The following CDH11 variants were observed in gnomAD, a reference collection of about 807,000 sequenced individuals.
The protein encoded by CDH11 is cadherin-11.
In CDH11, 11 loss-of-function variants were observed where a neutral mutation model predicts 67.8. The observed-to-expected ratio is 0.16, with a 90% confidence interval of 0.10 to 0.27. CDH11 has a LOEUF of 0.27. CDH11 is among the 10% of genes least tolerant of loss of function. The pLI, the probability that CDH11 is intolerant of heterozygous loss-of-function variation, is 1.00. For missense variants in CDH11, 847 were observed against 1,031.2 expected, an observed-to-expected ratio of 0.82 and a Z score of 2.45; for synonymous variants, 419 against 400.0, an observed-to-expected ratio of 1.05 and a Z score of -0.57.
At chr16:65,057,391 A>G (rs2074161424) in intron 1 of CDH11, among the ~76,000 whole-genome samples, 1 of 152,108 alleles carries the variant, frequency 6.6e-6, no homozygotes, top group Non-Finnish European at 1.5e-5. Flanking sequence ...CCCTTCCATC[A>G]TTGTGCTTGG....
chr16:65,058,927 G>A (rs769968122), intron 1 of CDH11, among the ~76,000 whole-genome samples: 42 of 152,164 alleles, frequency 2.8e-4, no homozygotes, highest in Non-Finnish European at 5.9e-4. Flanking sequence ...GATATATTGT[G>A]CTTCTATGAT....
chr16:65,015,015 T>TTTATTATTATTATTA lies in CDH11; in HGVS notation c.-172-9989_-172-9975dup, dbSNP rs71143548. Among the ~76,000 whole-genome samples, 1,263 of 135,848 alleles carry TTTATTATTATTATTA rather than the reference T, an allele frequency of 9.3e-3. 19 individuals are homozygous for TTTATTATTATTATTA. Among genetic ancestry groups the TTTATTATTATTATTA allele is most frequent in the African/African-American group, 0.031 (1,122 of 35,692 alleles). The allele number at this position is 135,848 out of a possible 152,430, so 89.1% of individuals were successfully genotyped here. On this transcript the variant is annotated intron_variant, in intron 2 of 12. Coordinates refer to ENST00000268603, the MANE Select transcript of CDH11 (RefSeq NM_001797.4). Reference sequence around the variant, plus strand: ...GGCATAGGCCACCATGCCTGGCTAATTTATTATTATTATTATTATTATTAT... The same window carrying TTTATTATTATTATTA: ...GGCATAGGCCACCATGCCTGGCTAATTTATTATTATTATTATTATTATTATTATTATTATTATTAT...
chr16:65,122,110 TGGC>T, upstream of CDH11: 1 of 66,690 alleles, frequency 1.5e-5, no homozygotes, highest in Non-Finnish European at 2.8e-5. Flanking sequence ...CGGGGGGAGG[TGGC>T]GGGCGGGCAG....
At chr16:65,123,289 T>G (rs539340847), upstream of CDH11, among the ~76,000 whole-genome samples, 62 of 151,198 alleles carry the variant, frequency 4.1e-4, no homozygotes, top group Admixed American at 2.2e-3. Context: ...GAGACGCCAG[T>G]GGGTGAAGGC....
intron 1 of CDH11, among the ~76,000 whole-genome samples, chr16:65,084,812 A>C (rs1284416440): frequency 6.6e-6 from 1 of 152,248 alleles, no homozygotes; most frequent in Admixed American, 6.5e-5. Flanking sequence ...GCTAGGAGTT[A>C]ATTAGCTTCT....
At chr16:65,105,197 T>C (rs1418924050) in intron 1 of CDH11, among the ~76,000 whole-genome samples, 2 of 152,312 alleles carry the variant, frequency 1.3e-5, no homozygotes, top group South Asian at 2.1e-4. Flanking sequence ...TTTCTTTTTG[T>C]TGTTGCTGTT....
chr16:65,119,196 A>C (rs577777689), intron 1 of CDH11: 1 of 152,252 alleles, frequency 6.6e-6, no homozygotes, highest in African/African-American at 2.4e-5. Flanking sequence ...TGAATTATGA[A>C]GACAAGTGCA....
chr16:65,105,226 A>G (rs1367087982), intron 1 of CDH11, among the ~76,000 whole-genome samples: 1 of 152,166 alleles, frequency 6.6e-6, no homozygotes, highest in Non-Finnish European at 1.5e-5. Context: ...TGTTTTTGGA[A>G]GAGGTTTTAG....
intron 1 of CDH11, among the ~76,000 whole-genome samples, chr16:65,087,382 T>C (rs1007948530): frequency 6.6e-5 from 10 of 152,112 alleles, no homozygotes; most frequent in African/African-American, 2.4e-4. Flanking sequence ...AGTTAACTTG[T>C]AGGAAACATG....
chr16:64,993,634 A>C (rs1020447936), intron 4 of CDH11, among the ~76,000 whole-genome samples: 6 of 152,196 alleles, frequency 3.9e-5, no homozygotes, highest in Non-Finnish European at 8.8e-5. Context: ...GTAGCCATAT[A>C]ACAGAAATCA....
chr16:64,969,760 C>T (rs2071949754), intron 11 of CDH11, among the ~76,000 whole-genome samples: 1 of 150,984 alleles, frequency 6.6e-6, no homozygotes, highest in Non-Finnish European at 1.5e-5. Context: ...ATTTGTGCCA[C>T]CCTGTTCAAT....
chr16:65,110,161 G>A (rs537815822), intron 1 of CDH11, among the ~76,000 whole-genome samples: 17 of 152,206 alleles, frequency 1.1e-4, no homozygotes, highest in Non-Finnish European at 2.4e-4. Context: ...ATGAGTCATT[G>A]CACCCAGCCT....
At chr16:64,972,462 T>C (rs150362804) in intron 9 of CDH11, among the ~76,000 whole-genome samples, 30 of 152,304 alleles carry the variant, frequency 2.0e-4, no homozygotes, top group African/African-American at 6.7e-4. Context: ...CCAGACCTAC[T>C]GAATCAGAGT....
chr16:65,014,331 G>A lies in CDH11; in HGVS notation c.-172-9290C>T, dbSNP rs1040502291. Among the ~76,000 whole-genome samples the A allele has an allele frequency of 9.2e-5, 14 of 152,246 alleles. No homozygotes were observed. In the East Asian group the frequency reaches 2.7e-3, roughly 29 times the overall value. ...ATATATTTAAAAGTTCAAAAAATCA[G>A]TGAACTTAATTTTTACAATGTATTT... is the stretch of plus-strand genomic sequence containing the variant. On this transcript the variant is annotated intron_variant, in intron 2 of 12. Coordinates refer to ENST00000268603, the MANE Select transcript of CDH11 (RefSeq NM_001797.4).
At chr16:65,029,068 A>G (rs1002631492) in intron 2 of CDH11, among the ~76,000 whole-genome samples, 13 of 152,228 alleles carry the variant, frequency 8.5e-5, no homozygotes, top group African/African-American at 3.1e-4. Flanking sequence ...AACTATATCA[A>G]GAATTTGATC....
intron 11 of CDH11, among the ~76,000 whole-genome samples, chr16:64,954,599 G>A (rs151116096): frequency 1.2e-3 from 178 of 152,272 alleles, no homozygotes; most frequent in African/African-American, 4.3e-3. Context: ...AGCTGGTAAA[G>A]GTGAACACAG....
At chr16:65,047,625 C>T (rs771713394) in intron 2 of CDH11, among the ~76,000 whole-genome samples, 3 of 152,136 alleles carry the variant, frequency 2.0e-5, no homozygotes, top group Non-Finnish European at 4.4e-5. Flanking sequence ...GCTGGGATTA[C>T]AGGCATGAGC....
chr16:64,986,423 G>A (rs2072488825), intron 7 of CDH11: 1 of 151,946 alleles, frequency 6.6e-6, no homozygotes, highest in Non-Finnish European at 1.5e-5. Context: ...AATGTTTCAG[G>A]ATTTCAGAGA....
At chr16:65,013,832 A>G (rs1319281988) in intron 2 of CDH11, among the ~76,000 whole-genome samples, 2 of 152,144 alleles carry the variant, frequency 1.3e-5, no homozygotes, top group Non-Finnish European at 2.9e-5. Context: ...ATCTCAAAAA[A>G]AAAAAGAAAG....
Sources: gnomAD v4.1 joint callset for allele counts (sites outside exome capture counted in the v4.1 genomes callset) on GRCh38, gnomAD v4.1.1 for gene constraint, MANE v1.5 for transcripts, NCBI Gene and HGNC (gene_info 2026-07-23, HGNC 2026-07-21) for gene names.